The following RNF180 variants were observed in gnomAD, a reference collection of about 807,000 sequenced individuals.
RNF180 encodes the protein ring finger protein 180, also known as E3 ubiquitin-protein ligase RNF180.
Under a neutral mutation model 59.2 loss-of-function variants are expected in RNF180, and 38 were observed. That is an observed-to-expected ratio of 0.64 (90% CI 0.50 to 0.84). The LOEUF is 0.84. RNF180 is among the 40% of genes least tolerant of loss of function. The pLI is 0.00. For missense variants in RNF180, 705 were observed against 700.9 expected (o/e 1.01, Z -0.07); for synonymous variants, 262 against 240.3 (o/e 1.09, Z -0.84).
chr5:64,334,372 G>C (rs1366234742), intron 7 of RNF180, among the ~76,000 whole-genome samples: 2 of 152,152 alleles, frequency 1.3e-5, no homozygotes, highest in Admixed American at 6.5e-5. Context: ...CTTGACTGCA[G>C]CTCCCTTCAG....
At chr5:64,346,505 G>T (rs889481993) in intron 7 of RNF180, among the ~76,000 whole-genome samples, 7 of 151,550 alleles carry the variant, frequency 4.6e-5, no homozygotes, top group African/African-American at 1.7e-4. Flanking sequence ...AAGTAGCTGG[G>T]ATTACAGGTG....
intron 5 of RNF180, among the ~76,000 whole-genome samples, chr5:64,220,263 T>A (rs890387502): frequency 2.6e-5 from 4 of 151,988 alleles, no homozygotes; most frequent in Admixed American, 1.3e-4. Context: ...CATATATTTC[T>A]TCTCTTTACT....
intron 5 of RNF180, among the ~76,000 whole-genome samples, chr5:64,249,222 T>G (rs1411438430): frequency 1.3e-5 from 2 of 152,188 alleles, no homozygotes; most frequent in African/African-American, 4.8e-5. Context: ...CTGCACATTC[T>G]GCACATGTAT....
chr5:64,309,478 A>G (rs1018937717), intron 5 of RNF180, among the ~76,000 whole-genome samples: 8 of 151,696 alleles, frequency 5.3e-5, no homozygotes, highest in Non-Finnish European at 1.0e-4. Flanking sequence ...CTATATGGAA[A>G]ATAGTTTGTC....
chr5:64,360,719 TTA>T (rs1175176328), intron 7 of RNF180, among the ~76,000 whole-genome samples: 10 of 151,804 alleles, frequency 6.6e-5, no homozygotes, highest in Admixed American at 2.6e-4. Context: ...AGCTAACAAG[TTA>T]TTTGGCCACT....
At chr5:64,326,682 T>A (rs1031751801) in intron 6 of RNF180, among the ~76,000 whole-genome samples, 1 of 152,176 alleles carries the variant, frequency 6.6e-6, no homozygotes, top group Non-Finnish European at 1.5e-5. Context: ...TTGGTCATAG[T>A]GTATCATCTT....
intron 4 of RNF180, 145 bp downstream of exon 4, chr5:64,214,662 A>G (rs1277398281): frequency 3.0e-6 from 2 of 669,376 alleles, no homozygotes; most frequent in African/African-American, 1.8e-5. Context: ...GCACTCAGTA[A>G]TCATGCAGCC....
intron 7 of RNF180, among the ~76,000 whole-genome samples, chr5:64,337,312 C>A (rs1203801359): frequency 6.6e-6 from 1 of 151,926 alleles, no homozygotes; most frequent in Non-Finnish European, 1.5e-5. Context: ...CCAAGCCTCG[C>A]TTAGATGTTT....
intron 5 of RNF180, among the ~76,000 whole-genome samples, chr5:64,284,146 C>T (rs1040261243): frequency 1.3e-5 from 2 of 152,098 alleles, no homozygotes; most frequent in African/African-American, 2.4e-5. Flanking sequence ...AATTCTAGAT[C>T]GGAATTTCTT....
At chr5:64,331,386 T>C (rs1744900313) in intron 7 of RNF180, among the ~76,000 whole-genome samples, 1 of 152,192 alleles carries the variant, frequency 6.6e-6, no homozygotes, top group African/African-American at 2.4e-5. Context: ...ACAGTGCTTT[T>C]TCCAGGCCTG....
chr5:64,292,315 G>T (rs575118194), intron 5 of RNF180, among the ~76,000 whole-genome samples: 41 of 152,216 alleles, frequency 2.7e-4, no homozygotes, highest in African/African-American at 9.9e-4. Flanking sequence ...GGGGTTTTGG[G>T]GGTCTTTTTT....
chr5:64,306,118 A>G (rs1307099795), intron 5 of RNF180, among the ~76,000 whole-genome samples: 1 of 151,752 alleles, frequency 6.6e-6, no homozygotes, highest in East Asian at 1.9e-4. Flanking sequence ...TTAAAAATGT[A>G]ACTTGCAGTT....
At chr5:64,318,785 A>G (rs967146144) in intron 5 of RNF180, among the ~76,000 whole-genome samples, 1 of 152,198 alleles carries the variant, frequency 6.6e-6, no homozygotes, top group Non-Finnish European at 1.5e-5. Flanking sequence ...TAGGCAGTAA[A>G]AAACAATTGG....
chr5:64,279,061 T>C (rs1057081371), intron 5 of RNF180, among the ~76,000 whole-genome samples: 2 of 152,174 alleles, frequency 1.3e-5, no homozygotes, highest in Non-Finnish European at 2.9e-5. Flanking sequence ...GGAGAATGTA[T>C]ACTGTTAGAA....
At chr5:64,183,652 T>G (rs1454366856) in intron 1 of RNF180, among the ~76,000 whole-genome samples, 1 of 152,126 alleles carries the variant, frequency 6.6e-6, no homozygotes, top group Non-Finnish European at 1.5e-5. Flanking sequence ...TTCACCTTCT[T>G]GGCCAGGCTT....
chr5:64,306,704 C>T (rs932841688), intron 5 of RNF180, among the ~76,000 whole-genome samples: 2 of 151,530 alleles, frequency 1.3e-5, no homozygotes, highest in Non-Finnish European at 1.5e-5. Context: ...AACCATCATT[C>T]CCAGCAAACT....
At chr5:64,182,233 T>A (rs1025323308) in intron 1 of RNF180, among the ~76,000 whole-genome samples, 1 of 152,098 alleles carries the variant, frequency 6.6e-6, no homozygotes, top group Non-Finnish European at 1.5e-5. Context: ...CCTCGTGATC[T>A]GCCCGCTTTG....
chr5:64,319,167 T>G (rs1260323435), intron 5 of RNF180, among the ~76,000 whole-genome samples: 3 of 144,618 alleles, frequency 2.1e-5, no homozygotes, highest in Non-Finnish European at 4.6e-5. Context: ...AACCTAAAAC[T>G]GTTGTTTAAA....
intron 7 of RNF180, among the ~76,000 whole-genome samples, chr5:64,364,904 C>T (rs1222270473): frequency 6.6e-6 from 1 of 151,116 alleles, no homozygotes; most frequent in African/African-American, 2.4e-5. Flanking sequence ...TCTGTGGAGT[C>T]AGTGGTGTAA....
Sources: gnomAD v4.1 joint callset for allele counts (sites outside exome capture counted in the v4.1 genomes callset) on GRCh38, gnomAD v4.1.1 for gene constraint, MANE v1.5 for transcripts, NCBI Gene and HGNC (gene_info 2026-07-23, HGNC 2026-07-21) for gene names.